The following CSMD1 variants were observed in gnomAD, a reference collection of about 807,000 sequenced individuals.
The protein encoded by CSMD1 is CUB and Sushi multiple domains 1.
A neutral mutation model predicts 417.5 loss-of-function variants in CSMD1; 213 were observed. The observed-to-expected ratio is 0.51, with a 90% CI of 0.46 to 0.57. The LOEUF is 0.57. Among genes scored for constraint, CSMD1 ranks in the 20% least tolerant of loss-of-function variants. The pLI is 0.00. For synonymous variants in CSMD1, 2,862 were observed against 1,736.8 expected (o/e 1.65, Z -16.11); for missense variants, 6,923 against 4,529.7 (o/e 1.53, Z -15.17).
At chr8:4,540,532 C>T (rs142592139) in intron 2 of CSMD1, among the ~76,000 whole-genome samples, 1 of 152,166 alleles carries the variant, frequency 6.6e-6, no homozygotes, top group Non-Finnish European at 1.5e-5. Flanking sequence ...AGCGAGACCT[C>T]ATCTGAAAAC....
At position 3,129,430 on chromosome 8, in the gene CSMD1, A is replaced by G. The variant is rs537978283; in HGVS notation, c.6242-10843T>C. Reference sequence around the variant, plus strand: ...ATTGGTAGCTTTTGGAACTACATAGACATGGCCTTAATAACCTTACCTGTA... The same window carrying G: ...ATTGGTAGCTTTTGGAACTACATAGGCATGGCCTTAATAACCTTACCTGTA... On this transcript the variant is annotated intron_variant, in intron 41 of 69. Coordinates refer to ENST00000635120, the MANE Select transcript of CSMD1 (RefSeq NM_033225.6). Among the ~76,000 whole-genome samples the G allele has an allele frequency of 4.6e-5, 7 of 152,288 alleles. No individual in the cohort carries two copies. In the South Asian group the frequency reaches 6.2e-4, roughly 14 times the overall value.
intron 7 of CSMD1, among the ~76,000 whole-genome samples, chr8:3,649,476 G>C (rs1321877536): frequency 6.6e-6 from 1 of 152,138 alleles, no homozygotes; most frequent in African/African-American, 2.4e-5. Flanking sequence ...CATCATGGCT[G>C]GGGAGGCCTC....
intron 37 of CSMD1, among the ~76,000 whole-genome samples, chr8:3,167,236 G>A (rs1023793525): frequency 6.9e-6 from 1 of 144,334 alleles, no homozygotes; most frequent in African/African-American, 2.6e-5. Context: ...AGTGAGCCGA[G>A]ATCGCACACT....
In CSMD1 at chr8:3,142,320, C is replaced by G. The variant is rs1456541207; in HGVS notation, c.6241+145G>C. On this transcript the variant is annotated intron_variant, in intron 41 of 69. Transcript: ENST00000635120. The stretch of plus-strand genomic sequence containing the variant: ...GTTTTCAAAAACAACAAGTGTTCCA[C>G]TACTAACCAGAAACCAACATTCCAC... 3 of 748,016 alleles carry G rather than the reference C, an allele frequency of 4.0e-6. No homozygotes were observed. The East Asian group carries it at 8.0e-5, about 20-fold the overall frequency. The allele number at this position is 748,016 out of a possible 1,614,324, so 46.3% of individuals were successfully genotyped here.
intron 11 of CSMD1, among the ~76,000 whole-genome samples, chr8:3,473,226 C>A (rs1348994425): frequency 1.3e-5 from 2 of 152,146 alleles, no homozygotes; most frequent in Non-Finnish European, 2.9e-5. Flanking sequence ...TGTTCATTTG[C>A]ATGAAACAGT....
intron 1 of CSMD1, among the ~76,000 whole-genome samples, chr8:4,826,264 G>C (rs772640605): frequency 2.0e-5 from 3 of 151,620 alleles, no homozygotes; most frequent in Non-Finnish European, 2.9e-5. Flanking sequence ...AACATATAAA[G>C]AAAATGTGAC....
chr8:3,619,856 C>T (rs186117334), intron 7 of CSMD1, among the ~76,000 whole-genome samples: 2 of 152,164 alleles, frequency 1.3e-5, no homozygotes, highest in Admixed American at 6.5e-5. Flanking sequence ...AATTCCAACA[C>T]TTTGGGAGGC....
chr8:4,734,552 G>T (rs915346131), intron 1 of CSMD1, among the ~76,000 whole-genome samples: 1 of 152,150 alleles, frequency 6.6e-6, no homozygotes, highest in East Asian at 1.9e-4. Flanking sequence ...TGGTAGCGAA[G>T]TATAAGTAAA....
chr8:4,106,527 T>C (rs1801577512), intron 3 of CSMD1, among the ~76,000 whole-genome samples: 1 of 152,162 alleles, frequency 6.6e-6, no homozygotes, highest in South Asian at 2.1e-4. Flanking sequence ...CCTCCTATGA[T>C]ATTTTAAATT....
chr8:4,044,975 G>A (rs141913564), intron 3 of CSMD1, among the ~76,000 whole-genome samples: 3 of 152,330 alleles, frequency 2.0e-5, no homozygotes, highest in East Asian at 1.9e-4. Flanking sequence ...TCTTGTTCAC[G>A]GAGGAGTTTC....
chr8:3,310,721 C>T (rs907506514), intron 23 of CSMD1, among the ~76,000 whole-genome samples: 2 of 151,416 alleles, frequency 1.3e-5, no homozygotes, highest in Non-Finnish European at 1.5e-5. Flanking sequence ...CCCATGCTAA[C>T]AGGGCATCCA....
chr8:4,868,244 T>C (rs1802531096), intron 1 of CSMD1, among the ~76,000 whole-genome samples: 1 of 152,156 alleles, frequency 6.6e-6, no homozygotes, highest in African/African-American at 2.4e-5. Flanking sequence ...TATTATTTTC[T>C]TTCCTTTAAG....
intron 4 of CSMD1, among the ~76,000 whole-genome samples, chr8:4,025,539 T>G (rs142631255): frequency 6.6e-6 from 1 of 152,218 alleles, no homozygotes; most frequent in Non-Finnish European, 1.5e-5. Context: ...CTTCTTCTCT[T>G]TTTTCATATT....
In CSMD1 at chr8:3,284,145, G is replaced by T. The variant is rs1434212171; in HGVS notation, c.4152C>A (p.Ser1384=). Residue 1384 remains serine (S), a splice_region_variant and synonymous_variant, in exon 26 of 70, where the codon TCC becomes TCA. Transcript: ENST00000635120. ...GAAGAAGCACGCTGTGCCACCTACT[G>T]GAGAACTGGATGGAGAAGCCAGACT... is the stretch of plus-strand genomic sequence containing the variant. ...ISKSGFSIQF[S]TSIAATCNDP... The T allele has an allele frequency of 6.4e-7, 1 of 1,559,734 alleles. No homozygotes were observed. Among genetic ancestry groups the T allele is most frequent in the African/African-American group, 1.4e-5 (1 of 73,450 alleles).
At chr8:4,085,835 C>T (rs1339490672) in intron 3 of CSMD1, among the ~76,000 whole-genome samples, 1 of 152,148 alleles carries the variant, frequency 6.6e-6, no homozygotes, top group African/African-American at 2.4e-5. Context: ...GATAAAAGTT[C>T]TGTGTCCCCA....
intron 68 of CSMD1, among the ~76,000 whole-genome samples, chr8:2,945,017 A>G (rs966959973): frequency 1.3e-5 from 2 of 152,226 alleles, no homozygotes; most frequent in African/African-American, 4.8e-5. Flanking sequence ...CCGTGAGATT[A>G]TCACATGCCT....
At chr8:3,558,379 A>ACG (rs1563152295) in intron 10 of CSMD1, among the ~76,000 whole-genome samples, 4 of 97,056 alleles carry the variant, frequency 4.1e-5, no homozygotes, top group Non-Finnish European at 9.9e-5. Context: ...GTGCCTCAGT[A>ACG]GTACCCCGTG....
chr8:3,042,594 C>T (rs1047854221), intron 50 of CSMD1, among the ~76,000 whole-genome samples: 4 of 152,084 alleles, frequency 2.6e-5, no homozygotes, highest in African/African-American at 9.7e-5. Context: ...TGTGGATGAG[C>T]ATAAAAGGAC....
intron 1 of CSMD1, among the ~76,000 whole-genome samples, chr8:4,646,199 C>T (rs1319962132): frequency 6.6e-6 from 1 of 152,132 alleles, no homozygotes; most frequent in Non-Finnish European, 1.5e-5. Context: ...AATTCTCTTC[C>T]TCTATGCATG....
Sources: gnomAD v4.1 joint callset for allele counts (sites outside exome capture counted in the v4.1 genomes callset) on GRCh38, gnomAD v4.1.1 for gene constraint, MANE v1.5 for transcripts, NCBI Gene and HGNC (gene_info 2026-07-23, HGNC 2026-07-21) for gene names.